The following USP18 variants were observed in gnomAD, a reference collection of about 807,000 sequenced individuals.
The protein encoded by USP18 is ubl carboxyl-terminal hydrolase 18.
In USP18, 11 loss-of-function variants were observed where a neutral mutation model predicts 48.7. The ratio of observed to expected loss-of-function variants is 0.23; its 90% CI spans 0.14 to 0.37. The LOEUF is 0.37. Among genes scored for constraint, USP18 ranks in the 10% least tolerant of loss-of-function variants. The pLI is 1.00. For missense variants in USP18, 285 were observed against 436.4 expected, an observed-to-expected ratio of 0.65 and a Z score of 3.09; for synonymous variants, 114 against 163.2, an observed-to-expected ratio of 0.70 and a Z score of 2.30.
intron 1 of USP18, among the ~76,000 whole-genome samples, chr22:18,156,091 A>C (rs1929128990): frequency 6.6e-6 from 1 of 152,236 alleles, no homozygotes; most frequent in Admixed American, 6.5e-5. Flanking sequence ...TGAATGCACC[A>C]GTCGACCCTC....
At position 18,170,813 on chromosome 22, in the gene USP18, A is replaced by G; in HGVS notation, c.784A>G (p.Arg262Gly). 6.3e-7 allele frequency: 1 copy of G among 1,598,660 alleles called. No individual in the cohort carries two copies. Residue 262 changes from arginine (R) to glycine (G), a missense_variant, in exon 8 of 11, where the codon AGG becomes GGG. Physicochemically the swap from Arg to Gly is moderately radical, Grantham distance 125 (BLOSUM62 -2). This residue lies in a region of USP18 where 34 missense variants were observed against 94.8 expected (regional missense o/e 0.36). Coordinates refer to ENST00000215794, the MANE Select transcript of USP18 (RefSeq NM_017414.4). ...AATCCACCTCATGCGATTCTCCATC[A>G]GGAATTCACAGACGAGAAAGATCTG... is the stretch of plus-strand genomic sequence containing the variant. ...LTIHLMRFSI[R>G]NSQTRKICHS...
In USP18 at chr22:18,173,747, G is replaced by A. The variant is rs766965576; in HGVS notation, c.1024-46G>A. ...TTATAGCATCCTGTCCTCTGTGGGT[G>A]CTTGTGTCAGCTGGCTGCTTGACCC... On this transcript the variant is annotated intron_variant, in intron 9 of 10. Transcript: ENST00000215794. 30 of 1,604,512 alleles carry A rather than the reference G, an allele frequency of 1.9e-5. No homozygotes were observed. The South Asian group carries it at 2.0e-4, about 11-fold the overall frequency.
chr22:18,173,309 C>T (rs775046110), intron 9 of USP18, 28 bp downstream of exon 9: 1 of 1,572,684 alleles, frequency 6.4e-7, no homozygotes, highest in Non-Finnish European at 8.6e-7. Context: ...CAATTGCCTC[C>T]TGCCCTGGAT....
intron 4 of USP18, among the ~76,000 whole-genome samples, chr22:18,164,924 C>T (rs967132984): frequency 1.3e-5 from 2 of 152,106 alleles, no homozygotes; most frequent in Non-Finnish European, 2.9e-5. Flanking sequence ...CAGTAAGGTA[C>T]TGTGTCTGGG....
intron 1 of USP18, among the ~76,000 whole-genome samples, chr22:18,156,451 C>T (rs569105316): frequency 1.3e-5 from 2 of 152,336 alleles, no homozygotes; most frequent in Non-Finnish European, 2.9e-5. Context: ...TCCACACTGC[C>T]TTTATGAACT....
At chr22:18,158,176 T>C (rs1464404888) in intron 2 of USP18, among the ~76,000 whole-genome samples, 2 of 152,134 alleles carry the variant, frequency 1.3e-5, no homozygotes, top group Non-Finnish European at 2.9e-5. Flanking sequence ...TAATCCCAGC[T>C]ACTTAGGTGG....
rs5747497 is a variant in USP18 at position 18,151,720 on chromosome 22, T to C, written c.-107+1498T>C. Among the ~76,000 whole-genome samples, 5 of 152,206 alleles carry C rather than the reference T, an allele frequency of 3.3e-5. No individual in the cohort carries two copies. In the East Asian group the frequency reaches 9.7e-4, roughly 29 times the overall value. On this transcript the variant is annotated intron_variant, in intron 1 of 10. Transcript: ENST00000215794. ...ATTATGTGGTTTTTCATCCAAAGTG[T>C]TGTAATCCGTGTGTTCTAACCCGCA...
Position 18,157,715 on chromosome 22 carries a change from G to A in USP18, c.52G>A (p.Glu18Lys), listed in dbSNP as rs1334561577. Reference protein sequence around the residue: ...LRQICQSILAESSQSPADLEE... With the variant: ...LRQICQSILAKSSQSPADLEE... ...GCAAATCTGTCAGTCCATCCTGGCTGAGTCCTCGCAGTCCCCGGCAGATCT... is the reference window on the plus strand; with the variant it reads ...GCAAATCTGTCAGTCCATCCTGGCTAAGTCCTCGCAGTCCCCGGCAGATCT... The change falls in exon 2 of 11, where the codon GAG (glutamate) becomes AAG (lysine). Residue 18 changes from glutamate (E) to lysine (K), a missense_variant. Coordinates refer to ENST00000215794, the MANE Select transcript of USP18 (RefSeq NM_017414.4). 6.2e-7 allele frequency: 1 copy of A among 1,614,146 alleles called. No homozygotes were observed. Among genetic ancestry groups the A allele is most frequent in the African/African-American group, 1.3e-5 (1 of 75,036 alleles).
intron 5 of USP18, 63 bp downstream of exon 5, chr22:18,167,397 G>A (rs1414774861): frequency 1.9e-6 from 3 of 1,590,156 alleles, no homozygotes; most frequent in Admixed American, 1.7e-5. Flanking sequence ...TCATTCAGCT[G>A]TTGTTCCCGT....
intron 7 of USP18, among the ~76,000 whole-genome samples, chr22:18,170,516 G>A (rs929559315): frequency 5.3e-5 from 8 of 152,082 alleles, no homozygotes; most frequent in Non-Finnish European, 1.0e-4. Flanking sequence ...CTGGGTCCTG[G>A]TACCTGTGCA....
chr22:18,175,243 G>A (rs1373960395), intron 10 of USP18, among the ~76,000 whole-genome samples: 2 of 152,152 alleles, frequency 1.3e-5, no homozygotes, highest in African/African-American at 4.8e-5. Flanking sequence ...AGAAGCTGGA[G>A]AGAAAAAAGG....
chr22:18,158,364 C>G (rs1319753821), intron 2 of USP18, among the ~76,000 whole-genome samples: 1 of 152,208 alleles, frequency 6.6e-6, no homozygotes, highest in Non-Finnish European at 1.5e-5. Flanking sequence ...ATGGGGTCAT[C>G]TGTGGAAACT....
At chr22:18,163,460 G>A (rs1339713090) in intron 4 of USP18, among the ~76,000 whole-genome samples, 1 of 151,918 alleles carries the variant, frequency 6.6e-6, no homozygotes, top group East Asian at 1.9e-4. Context: ...TGGCTAACAC[G>A]GTGAAACCCT....
chr22:18,160,930 T>A (rs552479436), intron 3 of USP18, among the ~76,000 whole-genome samples: 1 of 152,054 alleles, frequency 6.6e-6, no homozygotes, highest in Non-Finnish European at 1.5e-5. Context: ...CCACCACACC[T>A]GGCTAATTTT....
In USP18 at chr22:18,157,628, G is replaced by C. The variant is rs756418484; in HGVS notation, c.-36G>C. 3.7e-6 allele frequency: 6 copies of C among 1,613,336 alleles called. No homozygotes were observed. Among genetic ancestry groups the C allele is most frequent in the East Asian group, 4.5e-5 (2 of 44,846 alleles). ...GTCGTGCTGTCCTGAACGCGGGCCA[G>C]GCAGCTGCGGCCTGGGGGTTTTGGA... is the stretch of plus-strand genomic sequence containing the variant. On this transcript the variant is annotated 5_prime_UTR_variant, in exon 2 of 11. Coordinates refer to ENST00000215794, the MANE Select transcript of USP18 (RefSeq NM_017414.4).
intron 10 of USP18, among the ~76,000 whole-genome samples, chr22:18,175,749 A>G (rs1929767210): frequency 6.8e-6 from 1 of 148,124 alleles, no homozygotes; most frequent in Non-Finnish European, 1.5e-5. Flanking sequence ...CCGAGGCAGG[A>G]GGATCACTTC....
chr22:18,165,510 G>A lies in USP18; in HGVS notation c.401-1745G>A, dbSNP rs947043360. Reference sequence around the variant, plus strand: ...CTCTTCCCATCCCTCACCCCTCACCGCGGCCGTGTTTCCTGTTTCCTGTTA... The same window carrying A: ...CTCTTCCCATCCCTCACCCCTCACCACGGCCGTGTTTCCTGTTTCCTGTTA... On this transcript the variant is annotated intron_variant, in intron 4 of 10. Transcript: ENST00000215794. Among the ~76,000 whole-genome samples the A allele has an allele frequency of 1.2e-4, 10 of 85,912 alleles. No homozygotes were observed. In the East Asian group the frequency reaches 2.8e-3, roughly 24 times the overall value. 56.4% of individuals were successfully genotyped at this position (85,912 alleles called of 152,430 possible).
At position 18,167,934 on chromosome 22, in the gene USP18, C is replaced by T; in HGVS notation, c.525C>T (p.Ser175=). The T allele has an allele frequency of 6.2e-7, 1 of 1,614,010 alleles. No homozygotes were observed. Among genetic ancestry groups the T allele is most frequent in the Non-Finnish European group, 8.5e-7 (1 of 1,180,006 alleles). The change falls in exon 6 of 11, where the codon TCC becomes TCT. Residue 175 remains serine (S), a synonymous_variant. Coordinates refer to ENST00000215794, the MANE Select transcript of USP18 (RefSeq NM_017414.4). ...TGTATACGATCCGGGTGAAGGACTC[C>T]TTGATTTGCGTTGACTGTGCCATGG... ...QALYTIRVKD[S]LICVDCAMES... is the part of the protein sequence containing the mutation.
At chr22:18,175,604 G>A (rs1164661294) in intron 10 of USP18, among the ~76,000 whole-genome samples, 1 of 149,540 alleles carries the variant, frequency 6.7e-6, no homozygotes, top group Non-Finnish European at 1.5e-5. Flanking sequence ...ACTTAACTCT[G>A]CCCTGTAGAG....
Sources: allele counts gnomAD v4.1 joint callset (sites outside exome capture counted in the v4.1 genomes callset), GRCh38; gene constraint gnomAD v4.1.1; regional missense constraint gnomAD v4.1.1; transcripts MANE v1.5; gene names NCBI Gene and HGNC (gene_info 2026-07-23, HGNC 2026-07-21).